ZNF385B: variants seen among roughly 807,000 people sequenced by gnomAD.
ZNF385B encodes the protein zinc finger protein 533.
Under a neutral mutation model 39.2 loss-of-function variants are expected in ZNF385B, and 23 were observed. That is an observed-to-expected ratio of 0.59 (90% CI 0.42 to 0.83). The LOEUF (loss-of-function observed/expected upper bound fraction) is 0.83, where lower values mean the gene tolerates loss of function less well. ZNF385B is among the 40% of genes least tolerant of loss of function. ZNF385B has a pLI of 0.00. For synonymous variants in ZNF385B, 205 were observed against 222.6 expected (o/e 0.92, Z 0.70); for missense variants, 552 against 598.9 (o/e 0.92, Z 0.82).
At chr2:179,572,660 A>G (rs1040727165) in intron 3 of ZNF385B, among the ~76,000 whole-genome samples, 1 of 152,186 alleles carries the variant, frequency 6.6e-6, no homozygotes, top group Non-Finnish European at 1.5e-5. Flanking sequence ...AGGGCCTATC[A>G]TGGAGAAAGA....
intron 1 of ZNF385B, among the ~76,000 whole-genome samples, chr2:179,836,673 C>T (rs974172660): frequency 3.3e-5 from 5 of 151,154 alleles, no homozygotes; most frequent in African/African-American, 9.8e-5. Flanking sequence ...CGCCCGCCAC[C>T]GTGCCCGGCT....
At chr2:179,489,904 CT>C (rs1263193788) in intron 5 of ZNF385B, among the ~76,000 whole-genome samples, 1 of 152,204 alleles carries the variant, frequency 6.6e-6, no homozygotes, top group Non-Finnish European at 1.5e-5. Context: ...AGCTTTTTAG[CT>C]TAAAAAGGTA....
intron 3 of ZNF385B, among the ~76,000 whole-genome samples, chr2:179,677,559 A>G (rs2106318379): frequency 6.6e-6 from 1 of 152,336 alleles, no homozygotes; most frequent in South Asian, 2.1e-4. Flanking sequence ...GCTTTCTCTG[A>G]GTTCTAGTGT....
At chr2:179,635,841 C>T (rs1251110892) in intron 3 of ZNF385B, among the ~76,000 whole-genome samples, 1 of 152,050 alleles carries the variant, frequency 6.6e-6, no homozygotes, top group Non-Finnish European at 1.5e-5. Context: ...ATTGACCAGA[C>T]CTAAATTTTT....
chr2:179,720,861 G>C (rs1457593796), intron 3 of ZNF385B, among the ~76,000 whole-genome samples: 1 of 150,284 alleles, frequency 6.7e-6, no homozygotes, highest in Admixed American at 6.6e-5. Flanking sequence ...CTGGGCTCAA[G>C]TGATACTCCT....
intron 4 of ZNF385B, among the ~76,000 whole-genome samples, chr2:179,521,443 G>C (rs907935805): frequency 1.4e-5 from 2 of 146,486 alleles, no homozygotes. Flanking sequence ...CAGGCGATCC[G>C]CCTGACTTGG....
At chr2:179,696,288 A>T (rs940407812) in intron 3 of ZNF385B, among the ~76,000 whole-genome samples, 1 of 145,630 alleles carries the variant, frequency 6.9e-6, no homozygotes, top group Non-Finnish European at 1.5e-5. Flanking sequence ...GTTTAAAAAG[A>T]AAAGAAATTA....
At chr2:179,600,032 A>G (rs1331791937) in intron 3 of ZNF385B, among the ~76,000 whole-genome samples, 2 of 152,196 alleles carry the variant, frequency 1.3e-5, no homozygotes, top group African/African-American at 2.4e-5. Flanking sequence ...AGAAGTAATC[A>G]TGAACTGCAT....
chr2:179,747,018 T>C (rs979682265), intron 3 of ZNF385B, among the ~76,000 whole-genome samples: 1 of 152,148 alleles, frequency 6.6e-6, no homozygotes, highest in Admixed American at 6.6e-5. Flanking sequence ...AAAAGGGTTT[T>C]AGGTTCTCAT....
At chr2:179,670,494 C>CAAAAAGAAACA (rs747442111) in intron 3 of ZNF385B, among the ~76,000 whole-genome samples, 1 of 147,576 alleles carries the variant, frequency 6.8e-6, no homozygotes, top group Non-Finnish European at 1.5e-5. Flanking sequence ...CAAAAACAAA[C>CAAAAAGAAACA]AAAAAAAAAT....
rs561728049 is a variant in ZNF385B, at chr2:179,492,490, T to A, written c.553-9056A>T. Among the ~76,000 whole-genome samples, 3 of 152,280 alleles carry A rather than the reference T, an allele frequency of 2.0e-5. No homozygotes were observed. In the South Asian group the frequency reaches 6.2e-4, roughly 32 times the overall value. ...GATTTCCACTTTAAGGAAATTTACA[T>A]AAATAATACAAAATAAATCTGAAAT... On this transcript the variant is annotated intron_variant, in intron 5 of 9. Coordinates refer to ENST00000410066, the MANE Select transcript of ZNF385B (RefSeq NM_152520.6).
At chr2:179,817,355 A>G (rs990273264) in intron 1 of ZNF385B, among the ~76,000 whole-genome samples, 14 of 152,220 alleles carry the variant, frequency 9.2e-5, no homozygotes, top group African/African-American at 3.1e-4. Flanking sequence ...CCAGGTATAT[A>G]TTAAAAGGCA....
At chr2:179,588,533 G>C (rs1020694364) in intron 3 of ZNF385B, among the ~76,000 whole-genome samples, 2 of 152,050 alleles carry the variant, frequency 1.3e-5, no homozygotes, top group South Asian at 4.2e-4. Flanking sequence ...GGTGGTATTT[G>C]AGTTCTGTCA....
At chr2:179,498,861 A>C (rs2056497789) in intron 5 of ZNF385B, among the ~76,000 whole-genome samples, 1 of 151,812 alleles carries the variant, frequency 6.6e-6, no homozygotes, top group South Asian at 2.1e-4. Context: ...AAACCAATAC[A>C]AAAAAAATCA....
intron 3 of ZNF385B, among the ~76,000 whole-genome samples, chr2:179,765,270 A>C (rs1224430928): frequency 6.6e-6 from 1 of 152,186 alleles, no homozygotes; most frequent in African/African-American, 2.4e-5. Context: ...TCCTTTAGCC[A>C]ATATTTAAGT....
chr2:179,564,664 T>C lies in ZNF385B; in HGVS notation c.299-19695A>G, dbSNP rs550990807. On this transcript the variant is annotated intron_variant, in intron 3 of 9. Coordinates refer to ENST00000410066, the MANE Select transcript of ZNF385B (RefSeq NM_152520.6). ...CTGGCTTATGATTTCTCCAGCAAAA[T>C]AAAACTAGGGTTCTGAAGGCCTCTA... Among the ~76,000 whole-genome samples, 3 of 152,262 alleles carry C rather than the reference T, an allele frequency of 2.0e-5. No individual in the cohort carries two copies. In the South Asian group the frequency reaches 6.2e-4, roughly 32 times the overall value.
At position 179,838,874 on chromosome 2, in the gene ZNF385B, C is replaced by A. The variant is rs191589632; in HGVS notation, c.-155+22227G>T. On this transcript the variant is annotated intron_variant, in intron 1 of 9. Transcript: ENST00000410066. ...TACAAGTTTTGCTTAAAATATGAACCAATAATAATTAAACTAGAGCTAAAT... is the reference window on the plus strand; with the variant it reads ...TACAAGTTTTGCTTAAAATATGAACAAATAATAATTAAACTAGAGCTAAAT... Among the ~76,000 whole-genome samples the A allele has an allele frequency of 2.2e-4, 31 of 140,688 alleles. No homozygotes were observed. The East Asian group carries it at 5.7e-3, about 26-fold the overall frequency. The allele number at this position is 140,688 out of a possible 152,430, so 92.3% of individuals were successfully genotyped here.
chr2:179,619,806 CA>C (rs1432787399), intron 3 of ZNF385B, among the ~76,000 whole-genome samples: 2 of 152,086 alleles, frequency 1.3e-5, no homozygotes, highest in Admixed American at 6.6e-5. Flanking sequence ...TGTATAAATA[CA>C]TAGAAAATAA....
intron 1 of ZNF385B, among the ~76,000 whole-genome samples, chr2:179,808,128 G>T (rs961592940): frequency 6.6e-6 from 1 of 151,846 alleles, no homozygotes; most frequent in African/African-American, 2.4e-5. Context: ...CGCCTCCCAG[G>T]TTCACGCCAT....
Sources: allele counts gnomAD v4.1 joint callset (sites outside exome capture counted in the v4.1 genomes callset), GRCh38; gene constraint gnomAD v4.1.1; transcripts MANE v1.5; gene names NCBI Gene and HGNC (gene_info 2026-07-23, HGNC 2026-07-21).